Variants in SLIT3 observed in about 807,000 individuals in gnomAD.
SLIT3 encodes slit guidance ligand 3, also known as slit homolog 3 protein.
SLIT3 carries 68 observed loss-of-function variants against 184.0 expected under a neutral mutation model. The ratio of observed to expected loss-of-function variants is 0.37; its 90% CI spans 0.30 to 0.45. SLIT3 has a LOEUF of 0.45. SLIT3 is among the 20% of genes least tolerant of loss of function. The probability of loss-of-function intolerance (pLI) is 1.00; values close to 1 mark genes in which losing one functional copy is unlikely to be tolerated. For missense variants in SLIT3, 1,707 were observed against 2,026.0 expected (o/e 0.84, Z 3.02); for synonymous variants, 831 against 828.6 (o/e 1.00, Z -0.05).
chr5:169,150,273 G>C (rs1156305408), intron 4 of SLIT3, among the ~76,000 whole-genome samples: 1 of 152,062 alleles, frequency 6.6e-6, no homozygotes, highest in Admixed American at 6.5e-5. Flanking sequence ...GGCACTTCAC[G>C]GCAGAGAAAA....
At chr5:168,679,753 T>C (rs1407366102) in intron 32 of SLIT3, among the ~76,000 whole-genome samples, 2 of 152,118 alleles carry the variant, frequency 1.3e-5, no homozygotes, top group African/African-American at 4.8e-5. Flanking sequence ...GCCCACACTC[T>C]CTCGGCTCTG....
At position 169,201,323 on chromosome 5, in the gene SLIT3, C is replaced by T. The variant is rs557735391; in HGVS notation, c.342-7773G>A. Among the ~76,000 whole-genome samples the T allele has an allele frequency of 1.6e-4, 25 of 152,256 alleles. No individual in the cohort carries two copies. In the South Asian group the frequency reaches 5.0e-3, roughly 30 times the overall value. On this transcript the variant is annotated intron_variant, in intron 3 of 35. Transcript: ENST00000519560. ...ATCCCTAAGCAGTTTTTTTTACCCTCACTGAAGATGTTTGCAAGAACCCTT... is the reference window on the plus strand; with the variant it reads ...ATCCCTAAGCAGTTTTTTTTACCCTTACTGAAGATGTTTGCAAGAACCCTT...
chr5:169,022,467 A>G (rs887130205), intron 4 of SLIT3, among the ~76,000 whole-genome samples: 22 of 152,212 alleles, frequency 1.4e-4, no homozygotes, highest in African/African-American at 5.3e-4. Context: ...GTGAACAGGG[A>G]AAAGTGAACA....
intron 14 of SLIT3, among the ~76,000 whole-genome samples, chr5:168,770,454 G>C (rs1350682554): frequency 6.6e-6 from 1 of 152,132 alleles, no homozygotes; most frequent in African/African-American, 2.4e-5. Flanking sequence ...GAAACACAGA[G>C]CTTTACATCT....
At chr5:169,143,285 T>C (rs1377984147) in intron 4 of SLIT3, among the ~76,000 whole-genome samples, 2 of 152,236 alleles carry the variant, frequency 1.3e-5, no homozygotes, top group African/African-American at 2.4e-5. Context: ...GGGCATTCCA[T>C]GGAATGTCAT....
chr5:169,153,624 A>T (rs999674002), intron 4 of SLIT3, among the ~76,000 whole-genome samples: 12 of 152,268 alleles, frequency 7.9e-5, no homozygotes, highest in Admixed American at 5.9e-4. Context: ...CGTCAGGCAC[A>T]GGCTGCTAGT....
intron 3 of SLIT3, among the ~76,000 whole-genome samples, chr5:169,200,985 T>C (rs951761164): frequency 3.9e-5 from 6 of 152,212 alleles, no homozygotes; most frequent in African/African-American, 9.6e-5. Context: ...AGTTGAATGA[T>C]GCTATTCTTT....
At chr5:169,123,240 A>C (rs1165895920) in intron 4 of SLIT3, among the ~76,000 whole-genome samples, 3 of 152,172 alleles carry the variant, frequency 2.0e-5, no homozygotes, top group Non-Finnish European at 4.4e-5. Context: ...GCTAAAATTG[A>C]AACAGGAACA....
intron 4 of SLIT3, among the ~76,000 whole-genome samples, chr5:168,886,844 G>A (rs578068739): frequency 5.3e-5 from 8 of 152,196 alleles, no homozygotes; most frequent in South Asian, 4.2e-4. Context: ...TCCAGCTTCC[G>A]GAAAATGATT....
At chr5:168,798,220 C>CATTTT (rs1756640766) in intron 9 of SLIT3, among the ~76,000 whole-genome samples, 1 of 112,246 alleles carries the variant, frequency 8.9e-6, no homozygotes, top group Non-Finnish European at 1.7e-5. Flanking sequence ...TCTTCTTCTT[C>CATTTT]TTCTTTTTTT....
intron 4 of SLIT3, among the ~76,000 whole-genome samples, chr5:169,031,421 A>G (rs1043682696): frequency 7.0e-6 from 1 of 141,884 alleles, no homozygotes; most frequent in African/African-American, 2.8e-5. Flanking sequence ...TTACCAATAA[A>G]TAATTCCAAA....
chr5:168,673,865 C>T (rs1009266424), intron 32 of SLIT3, among the ~76,000 whole-genome samples: 1 of 151,332 alleles, frequency 6.6e-6, no homozygotes, highest in African/African-American at 2.4e-5. Context: ...TCTATTATTT[C>T]ATAGAGTTAA....
At position 169,124,480 on chromosome 5, in the gene SLIT3, G is replaced by C. The variant is rs143798544; in HGVS notation, c.413+68999C>G. ...ACCCATGTCAGGGATGACTTAACAA[G>C]CTGATCAAAGAAGGGATTGATTCCA... On this transcript the variant is annotated intron_variant, in intron 4 of 35. Coordinates refer to ENST00000519560, the MANE Select transcript of SLIT3 (RefSeq NM_003062.4). Among the ~76,000 whole-genome samples the C allele has an allele frequency of 2.8e-4, 43 of 152,268 alleles. No individual in the cohort carries two copies. In the East Asian group the frequency reaches 8.1e-3, roughly 29 times the overall value.
chr5:168,933,060 C>CAAGAGAAGCTTGTGGGATTG (rs1216976334), intron 4 of SLIT3, among the ~76,000 whole-genome samples: 5 of 152,102 alleles, frequency 3.3e-5, no homozygotes, highest in Non-Finnish European at 7.3e-5. Context: ...ATCAATGGAT[C>CAAGAGAAGCTTGTGGGATTG]AAGAGAAGCT....
intron 5 of SLIT3, 101 bp from the exon 6 acceptor site, chr5:168,844,756 C>A (rs1241851585): frequency 2.0e-6 from 2 of 1,005,694 alleles, no homozygotes; most frequent in East Asian, 2.5e-5. Flanking sequence ...CCCTTGCAGG[C>A]GCTGCTGGTC....
At chr5:168,953,839 G>C (rs1221069595) in intron 4 of SLIT3, among the ~76,000 whole-genome samples, 4 of 152,180 alleles carry the variant, frequency 2.6e-5, no homozygotes, top group Non-Finnish European at 5.9e-5. Flanking sequence ...CATTTACTGT[G>C]CACAAAGAGC....
rs10064964 is a variant in SLIT3, at chr5:168,673,084, C to T, written c.3841+93G>A. On this transcript the variant is annotated intron_variant, in intron 33 of 35. Coordinates refer to ENST00000519560, the MANE Select transcript of SLIT3 (RefSeq NM_003062.4). ...TTCGTTGTCCCTTCCTCCAGGAAGCCTTCCCTGATTGGCTTTGGCAGTGGC... is the reference window on the plus strand; with the variant it reads ...TTCGTTGTCCCTTCCTCCAGGAAGCTTTCCCTGATTGGCTTTGGCAGTGGC... The T allele has an allele frequency of 8.0e-3, 10,113 of 1,257,826 alleles. 600 individuals carry two copies. In the African/African-American group the frequency reaches 0.13, roughly 16 times the overall value. The allele number at this position is 1,257,826 out of a possible 1,614,324, so 77.9% of individuals were successfully genotyped here.
At chr5:168,856,918 C>T (rs1758900047) in intron 5 of SLIT3, among the ~76,000 whole-genome samples, 1 of 151,914 alleles carries the variant, frequency 6.6e-6, no homozygotes, top group Non-Finnish European at 1.5e-5. Context: ...CCAGAAACCC[C>T]TTCCTGCAGA....
At chr5:168,852,186 G>C (rs749759628) in intron 5 of SLIT3, among the ~76,000 whole-genome samples, 2 of 152,204 alleles carry the variant, frequency 1.3e-5, no homozygotes, top group Non-Finnish European at 2.9e-5. Context: ...GTTCCTCCCC[G>C]GCAGAGGCGC....
Sources: gnomAD v4.1 joint callset for allele counts (sites outside exome capture counted in the v4.1 genomes callset) on GRCh38, gnomAD v4.1.1 for gene constraint, MANE v1.5 for transcripts, NCBI Gene and HGNC (gene_info 2026-07-23, HGNC 2026-07-21) for gene names.